The following USP42 variants were observed in gnomAD, a reference collection of about 807,000 sequenced individuals.
USP42 encodes the protein ubiquitin specific peptidase 42.
In USP42, 23 loss-of-function variants were observed where a neutral mutation model predicts 113.0. That is an observed-to-expected ratio of 0.20 (90% CI 0.15 to 0.29). The LOEUF (loss-of-function observed/expected upper bound fraction) is 0.29. Ranked by LOEUF, USP42 falls within the 10% of genes least tolerant of loss-of-function variation. USP42 has a pLI of 1.00. For synonymous variants in USP42, 933 were observed against 699.0 expected (o/e 1.33, Z -5.28); for missense variants, 2,174 against 1,779.8 (o/e 1.22, Z -3.99).
intron 3 of USP42, among the ~76,000 whole-genome samples, chr7:6,118,679 G>A (rs747803080): frequency 1.3e-4 from 20 of 152,226 alleles, no homozygotes; most frequent in Admixed American, 3.3e-4. Context: ...TGAAGATGGA[G>A]CAAGTTTATT....
intron 3 of USP42, among the ~76,000 whole-genome samples, chr7:6,126,407 C>T (rs937814112): frequency 6.6e-6 from 1 of 152,108 alleles, no homozygotes. Flanking sequence ...GCCTCAGCCT[C>T]CCGAGTAGCT....
At chr7:6,082,603 G>GTTTTTTTTTTTTTTTTTTTT in the USP42 span, among the ~76,000 whole-genome samples, 1 of 90,196 alleles carries the variant, frequency 1.1e-5, no homozygotes, top group African/African-American at 5.2e-5. Context: ...CTTTCTTTCT[G>GTTTTTTTTTTTTTTTTTTTT]TTTTTTTTTT....
rs1029700151 is a variant in USP42, at chr7:6,144,681, C to G, written c.990+485C>G. ...AGCCGGGAGTTTGAGACCACTCTGG[C>G]GAACGTGGCAAAGCCCTGTTTCTAC... On this transcript the variant is annotated intron_variant, in intron 9 of 17. Coordinates refer to ENST00000306177, the MANE Select transcript of USP42 (RefSeq NM_032172.3). Among the ~76,000 whole-genome samples, 4 of 152,208 alleles carry G rather than the reference C, an allele frequency of 2.6e-5. No homozygotes were observed. The East Asian group carries it at 7.7e-4, about 29-fold the overall frequency.
chr7:6,093,637 C>T, the USP42 span, among the ~76,000 whole-genome samples: 3 of 147,750 alleles, frequency 2.0e-5, no homozygotes, highest in African/African-American at 7.8e-5. Context: ...CCTCCCCTCT[C>T]CTTTCCTTAC....
At chr7:6,106,257 CGT>C (rs1275243876) in intron 1 of USP42, among the ~76,000 whole-genome samples, 2 of 152,080 alleles carry the variant, frequency 1.3e-5, no homozygotes, top group African/African-American at 2.4e-5. Context: ...CTTTTTAAAG[CGT>C]GTGTGTTTTC....
chr7:6,119,051 CAA>C (rs775382885), intron 3 of USP42, among the ~76,000 whole-genome samples: 1 of 131,550 alleles, frequency 7.6e-6, no homozygotes. Context: ...CCTGTCTCTC[CAA>C]AAAAAAAAAA....
At chr7:6,115,645 C>A in intron 3 of USP42, 122 bp downstream of exon 3, 1 of 1,215,350 alleles carries the variant, frequency 8.2e-7, no homozygotes, top group Non-Finnish European at 1.2e-6. Context: ...TTGGTTTATT[C>A]TTTTAGAAAC....
chr7:6,083,081 C>T, the USP42 span, among the ~76,000 whole-genome samples: 6 of 148,618 alleles, frequency 4.0e-5, no homozygotes, highest in African/African-American at 1.3e-4. Flanking sequence ...CGGGCTACCA[C>T]ACCTGGCTGA....
At position 6,154,596 on chromosome 7, in the gene USP42, G is replaced by A; in HGVS notation, c.3042G>A (p.Leu1014=). The A allele has an allele frequency of 6.3e-7, 1 of 1,580,728 alleles. No homozygotes were observed. Among genetic ancestry groups the A allele is most frequent in the Non-Finnish European group, 8.6e-7 (1 of 1,165,698 alleles). Residue 1014 remains leucine, a synonymous_variant, in exon 15 of 18, where the codon CTG becomes CTA. Coordinates refer to ENST00000306177, the MANE Select transcript of USP42 (RefSeq NM_032172.3). ...DRLSPGERRS[L]GRCSHHHSRH... The stretch of plus-strand genomic sequence containing the variant: ...TCAGCCCTGGCGAGCGCCGCTCTCT[G>A]GGCAGGTGCAGTCACCACCACTCCC...
At chr7:6,115,134 C>G (rs1422885698) in intron 2 of USP42, among the ~76,000 whole-genome samples, 189 bp from the exon 3 acceptor site, 2 of 152,168 alleles carry the variant, frequency 1.3e-5, no homozygotes, top group Admixed American at 1.3e-4. Flanking sequence ...ACTGGAGAAA[C>G]CAGATCATTG....
chr7:6,107,661 G>C (rs901276930), intron 1 of USP42, among the ~76,000 whole-genome samples: 51 of 152,114 alleles, frequency 3.4e-4, no homozygotes, highest in African/African-American at 1.2e-3. Context: ...TGCCCGCCTC[G>C]TCCTCCCAAA....
At chr7:6,149,477 GAAAAA>G in intron 12 of USP42, 101 bp from the exon 13 acceptor site, 2 of 1,151,240 alleles carry the variant, frequency 1.7e-6, no homozygotes, top group Non-Finnish European at 2.4e-6. Flanking sequence ...TGTTAGTCCT[GAAAAA>G]AAAAAAAAGC....
chr7:6,100,416 G>A (rs113316155), upstream of USP42, among the ~76,000 whole-genome samples: 15 of 150,324 alleles, frequency 1.0e-4, 2 homozygotes, highest in African/African-American at 3.5e-4. Context: ...TTCAACCTCC[G>A]CCTCCTGGGT....
Position 6,153,992 on chromosome 7 carries a change from C to A in USP42, c.2438C>A (p.Thr813Lys), listed in dbSNP as rs377304826. The A allele has an allele frequency of 6.2e-7, 1 of 1,600,448 alleles. No homozygotes were observed. Among genetic ancestry groups the A allele is most frequent in the East Asian group, 2.2e-5 (1 of 44,704 alleles). Reference protein sequence around the residue: ...PSAGEDIVGDTAPPDLCDPGS... With the variant: ...PSAGEDIVGDKAPPDLCDPGS... ...GCCGGCGAGGACATCGTGGGGGACA[C>A]AGCACCCCCTGACCTGTGTGATCCC... Residue 813 changes from threonine (T) to lysine (K), a missense_variant, in exon 15 of 18, where the codon ACA becomes AAA. Physicochemically the swap from Thr to Lys is moderately conservative, Grantham distance 78. Coordinates refer to ENST00000306177, the MANE Select transcript of USP42 (RefSeq NM_032172.3).
chr7:6,111,070 A>G, intron 1 of USP42, 55 bp from the exon 2 acceptor site: 1 of 1,546,070 alleles, frequency 6.5e-7, no homozygotes, highest in Non-Finnish European at 8.8e-7. Context: ...CGGTAGGGTA[A>G]GGAGATTGCT....
At chr7:6,092,361 T>G in the USP42 span, among the ~76,000 whole-genome samples, 1 of 150,154 alleles carries the variant, frequency 6.7e-6, no homozygotes, top group Non-Finnish European at 1.5e-5. Context: ...GTATTTTTAG[T>G]AGAGATGGGG....
chr7:6,091,982 TTCTTCTTCTTCTTCTTC>T, the USP42 span, among the ~76,000 whole-genome samples: 2 of 21,364 alleles, frequency 9.4e-5, no homozygotes, highest in African/African-American at 3.1e-4. Flanking sequence ...GTATTTTTTC[TTCTTCTTCTTCTTCTTC>T]TTCTTCTTCT....
chr7:6,157,875 T>C lies in USP42; in HGVS notation c.3943+820T>C, dbSNP rs1190225605. ...CCTGTGGGGCTGTGTCTCCGTCCTGTGGCCACACGCTGTGCTCTTACTGCA... is the reference window on the plus strand; with the variant it reads ...CCTGTGGGGCTGTGTCTCCGTCCTGCGGCCACACGCTGTGCTCTTACTGCA... On this transcript the variant is annotated intron_variant, in intron 16 of 17. Coordinates refer to ENST00000306177, the MANE Select transcript of USP42 (RefSeq NM_032172.3). The surrounding 1 kb of genome is among the most constrained non-coding windows in gnomAD (Gnocchi z 4.1). Among the ~76,000 whole-genome samples, 1 of 152,136 alleles carries C rather than the reference T, an allele frequency of 6.6e-6. No individual in the cohort carries two copies. The highest frequency in any genetic ancestry group is 2.4e-5 in the African/African-American group (1 of 41,450).
At position 6,149,653 on chromosome 7, in the gene USP42, G is replaced by C; in HGVS notation, c.1457G>C (p.Gly486Ala). The C allele has an allele frequency of 1.2e-6, 2 of 1,613,920 alleles. No homozygotes were observed. The change falls in exon 13 of 18, where the codon GGG (glycine) becomes GCG (alanine). Residue 486 changes from glycine (G) to alanine (A), a missense_variant. Transcript: ENST00000306177. ...AGCAGTTCCATGTCGAGTCCTAACG[G>C]GAATTCCAGTGTCAACAGGGCTAGT... The part of the protein sequence containing the change: ...TPSSSMSSPN[G>A]NSSVNRASPV...
Sources: allele counts gnomAD v4.1 joint callset (sites outside exome capture counted in the v4.1 genomes callset), GRCh38; gene constraint gnomAD v4.1.1; non-coding constraint Gnocchi (gnomAD v3.1); transcripts MANE v1.5; gene names NCBI Gene and HGNC (gene_info 2026-07-23, HGNC 2026-07-21).